The following ROBO1 variants were observed in gnomAD, a reference collection of about 807,000 sequenced individuals.
ROBO1 encodes the protein roundabout guidance receptor 1, also known as roundabout homolog 1.
ROBO1 carries 149 observed loss-of-function variants against 195.9 expected under a neutral mutation model. That is an observed-to-expected ratio of 0.76 (90% CI 0.67 to 0.87). ROBO1 has a LOEUF of 0.87. Among genes scored for constraint, ROBO1 ranks in the 40% least tolerant of loss-of-function variants. The probability of loss-of-function intolerance (pLI) is 0.00; values close to 1 mark genes in which losing one functional copy is unlikely to be tolerated. For missense variants in ROBO1, 1,933 were observed against 2,068.3 expected (o/e 0.93, Z 1.27); for synonymous variants, 816 against 733.2 (o/e 1.11, Z -1.82).
intron 4 of ROBO1, among the ~76,000 whole-genome samples, chr3:78,788,405 A>T (rs1576167330): frequency 7.9e-6 from 1 of 126,662 alleles, no homozygotes; most frequent in Admixed American, 9.4e-5. Flanking sequence ...GGTATGAGCC[A>T]CCGCTCCCAG....
At chr3:79,535,081 T>G (rs1941806432) in intron 2 of ROBO1, among the ~76,000 whole-genome samples, 1 of 152,116 alleles carries the variant, frequency 6.6e-6, no homozygotes, top group Admixed American at 6.6e-5. Context: ...CCTTATTTTT[T>G]TTTAGTTCAC....
At chr3:78,814,470 C>T (rs1559883828) in intron 4 of ROBO1, among the ~76,000 whole-genome samples, 1 of 151,794 alleles carries the variant, frequency 6.6e-6, no homozygotes, top group Non-Finnish European at 1.5e-5. Flanking sequence ...GCCCAAGAGC[C>T]TCATGTGGCC....
intron 1 of ROBO1, among the ~76,000 whole-genome samples, chr3:79,720,193 G>T (rs1324783848): frequency 6.6e-6 from 1 of 152,192 alleles, no homozygotes; most frequent in African/African-American, 2.4e-5. Flanking sequence ...TGGAGGAAAT[G>T]ATAAGGCTAT....
intron 4 of ROBO1, among the ~76,000 whole-genome samples, chr3:78,795,437 G>T: frequency 6.6e-6 from 1 of 152,070 alleles, no homozygotes; most frequent in East Asian, 1.9e-4. Flanking sequence ...ACCCTTAAGG[G>T]ACAGCTTTGC....
chr3:79,531,341 GC>G (rs1234099216), intron 2 of ROBO1, among the ~76,000 whole-genome samples: 5 of 152,048 alleles, frequency 3.3e-5, no homozygotes, highest in African/African-American at 1.2e-4. Flanking sequence ...CATTACATTG[GC>G]CAGGCATGGC....
chr3:79,762,609 A>AACAAACACACACACAC (rs1553650941), intron 1 of ROBO1, among the ~76,000 whole-genome samples: 1 of 146,612 alleles, frequency 6.8e-6, no homozygotes, highest in Non-Finnish European at 1.5e-5. Flanking sequence ...ATTCTGGACA[A>AACAAACACACACACAC]ACACACACAC....
At chr3:78,632,368 A>G (rs1705235945) in intron 24 of ROBO1, among the ~76,000 whole-genome samples, 1 of 152,198 alleles carries the variant, frequency 6.6e-6, no homozygotes, top group Admixed American at 6.5e-5. Flanking sequence ...AGCGTGGGCT[A>G]GGGACAGGCT....
intron 2 of ROBO1, among the ~76,000 whole-genome samples, chr3:79,168,757 C>T (rs573493717): frequency 6.6e-5 from 10 of 152,172 alleles, no homozygotes; most frequent in East Asian, 1.9e-4. Flanking sequence ...GCTTAAAATA[C>T]AGGAGTAGAT....
Position 79,695,315 on chromosome 3 carries a change from A to G in ROBO1, c.-51+72437T>C, listed in dbSNP as rs368492527. On this transcript the variant is annotated intron_variant, in intron 1 of 30. Transcript: ENST00000464233. The stretch of plus-strand genomic sequence containing the variant: ...AATTACTTATTTGTACAAAGAATCT[A>G]CTCTCGTAATCAATGCAACATTAAA... 3.3e-5 allele frequency among the ~76,000 whole-genome samples: 5 copies of G among 151,700 alleles called. No individual in the cohort carries two copies. The East Asian group carries it at 9.8e-4, about 30-fold the overall frequency.
intron 10 of ROBO1, among the ~76,000 whole-genome samples, chr3:78,675,824 G>C (rs1396572766): frequency 6.6e-6 from 1 of 152,074 alleles, no homozygotes; most frequent in African/African-American, 2.4e-5. Context: ...GAGAGCAGTG[G>C]TTCTCCCAGC....
chr3:78,698,314 C>T (rs963530433), intron 8 of ROBO1, among the ~76,000 whole-genome samples: 2 of 152,060 alleles, frequency 1.3e-5, no homozygotes, highest in African/African-American at 2.4e-5. Flanking sequence ...ATATCGCTAA[C>T]AATTAAAAAC....
intron 2 of ROBO1, among the ~76,000 whole-genome samples, chr3:79,568,369 G>T (rs77002932): frequency 6.6e-6 from 1 of 150,808 alleles, no homozygotes. Context: ...CTCCATATTC[G>T]AATCTTCAAA....
intron 2 of ROBO1, among the ~76,000 whole-genome samples, chr3:79,521,447 C>G (rs1337627809): frequency 2.6e-5 from 4 of 152,116 alleles, no homozygotes; most frequent in Non-Finnish European, 5.9e-5. Context: ...CTAGGAGTTT[C>G]GTGCGCCCCT....
At chr3:79,154,866 G>C (rs1477931014) in intron 2 of ROBO1, among the ~76,000 whole-genome samples, 1 of 151,752 alleles carries the variant, frequency 6.6e-6, no homozygotes, top group African/African-American at 2.4e-5. Context: ...TGTTTTACCT[G>C]CAACAATTGA....
At chr3:79,591,160 TAAAC>T (rs1943988551) in intron 1 of ROBO1, among the ~76,000 whole-genome samples, 1 of 151,952 alleles carries the variant, frequency 6.6e-6, no homozygotes, top group East Asian at 1.9e-4. Flanking sequence ...CAAAAATAGA[TAAAC>T]AAACCTAGTA....
intron 5 of ROBO1, among the ~76,000 whole-genome samples, chr3:78,722,244 C>G (rs1164344423): frequency 6.6e-6 from 1 of 152,110 alleles, no homozygotes; most frequent in East Asian, 1.9e-4. Context: ...TCTTTTACAA[C>G]TAAATCACAT....
chr3:78,642,768 A>G (rs2660740), intron 21 of ROBO1, among the ~76,000 whole-genome samples: 149,194 of 152,248 alleles, frequency 0.98, 73,109 homozygotes, highest in East Asian at 1. Context: ...GTTGGGAAGC[A>G]GTCTCTTTGC....
chr3:79,355,691 G>A (rs754527858), intron 2 of ROBO1, among the ~76,000 whole-genome samples: 12 of 151,954 alleles, frequency 7.9e-5, no homozygotes, highest in Non-Finnish European at 1.0e-4. Flanking sequence ...TTATTCCACC[G>A]AAAATAATGC....
At chr3:78,942,730 T>C (rs2040205500) in intron 3 of ROBO1, among the ~76,000 whole-genome samples, 1 of 152,098 alleles carries the variant, frequency 6.6e-6, no homozygotes, top group South Asian at 2.1e-4. Flanking sequence ...ATTAAATCCA[T>C]AGTAAAGATC....
Sources: allele counts gnomAD v4.1 joint callset (sites outside exome capture counted in the v4.1 genomes callset), GRCh38; gene constraint gnomAD v4.1.1; transcripts MANE v1.5; gene names NCBI Gene and HGNC (gene_info 2026-07-23, HGNC 2026-07-21).